Variants in GLRB observed in about 807,000 individuals in gnomAD.
GLRB encodes the protein glycine receptor beta.
Under a neutral mutation model 54.2 loss-of-function variants are expected in GLRB, and 33 were observed. That is an observed-to-expected ratio of 0.61 (90% confidence interval 0.46 to 0.81). The LOEUF is 0.81. Ranked by LOEUF, GLRB falls within the 40% of genes least tolerant of loss-of-function variation. The pLI is 0.00. For missense variants in GLRB, 572 were observed against 584.6 expected, an observed-to-expected ratio of 0.98 and a Z score of 0.22; for synonymous variants, 209 against 208.2, an observed-to-expected ratio of 1.00 and a Z score of -0.03.
At chr4:157,139,495 AG>A (rs1736533515) in intron 7 of GLRB, among the ~76,000 whole-genome samples, 1 of 152,084 alleles carries the variant, frequency 6.6e-6, no homozygotes, top group Admixed American at 6.6e-5. Flanking sequence ...AATTATGAAA[AG>A]GAAAACAAAT....
At chr4:157,079,716 A>G (rs1734158677) in intron 2 of GLRB, among the ~76,000 whole-genome samples, 1 of 152,092 alleles carries the variant, frequency 6.6e-6, no homozygotes, top group South Asian at 2.1e-4. Flanking sequence ...TCAACTCTTC[A>G]CTGTTACTGT....
intron 2 of GLRB, among the ~76,000 whole-genome samples, chr4:157,105,087 CT>C (rs1278325548): frequency 1.3e-5 from 2 of 149,550 alleles, no homozygotes; most frequent in African/African-American, 4.9e-5. Context: ...TAACTTTGGG[CT>C]TTTTTTTTCT....
chr4:157,106,364 T>G (rs1261581240), intron 2 of GLRB, among the ~76,000 whole-genome samples: 1 of 152,138 alleles, frequency 6.6e-6, no homozygotes. Flanking sequence ...CATTAGAATG[T>G]GCATGTTGAT....
At chr4:157,138,589 A>G (rs1461161197) in intron 6 of GLRB, among the ~76,000 whole-genome samples, 2 of 152,110 alleles carry the variant, frequency 1.3e-5, no homozygotes, top group African/African-American at 4.8e-5. Flanking sequence ...TATGCTTATT[A>G]TTTAAACTTG....
At chr4:157,109,593 G>A (rs1405699773) in intron 2 of GLRB, among the ~76,000 whole-genome samples, 1 of 151,818 alleles carries the variant, frequency 6.6e-6, no homozygotes, top group Non-Finnish European at 1.5e-5. Context: ...CTGTTTTCCT[G>A]GTGATAGTGT....
chr4:157,092,940 C>T (rs956450243), intron 2 of GLRB, among the ~76,000 whole-genome samples: 3 of 152,092 alleles, frequency 2.0e-5, no homozygotes, highest in South Asian at 2.1e-4. Flanking sequence ...AATGGCCTAC[C>T]GCTAGCTAGT....
chr4:157,134,710 C>T (rs1361032433), intron 4 of GLRB, among the ~76,000 whole-genome samples: 2 of 152,064 alleles, frequency 1.3e-5, no homozygotes, highest in African/African-American at 4.8e-5. Flanking sequence ...AGCAATATCT[C>T]AACTGTTATT....
chr4:157,077,129 A>C (rs1321118503), intron 1 of GLRB, among the ~76,000 whole-genome samples: 4 of 152,198 alleles, frequency 2.6e-5, no homozygotes, highest in Admixed American at 1.3e-4. Flanking sequence ...TGAAGGTTGC[A>C]GAAGAGTTTG....
rs562581362 is a variant in GLRB at position 157,143,750 on chromosome 4, G to T, written c.752-57G>T. 5.8e-6 allele frequency: 9 copies of T among 1,539,626 alleles called. No homozygotes were observed. The South Asian group carries it at 1.0e-4, about 18-fold the overall frequency. ...TACCGTTTCCAGGTCTGTCATTGATGTTTGCCATTCTGTGTGGGTGAAAAC... is the reference window on the plus strand; with the variant it reads ...TACCGTTTCCAGGTCTGTCATTGATTTTTGCCATTCTGTGTGGGTGAAAAC... On this transcript the variant is annotated intron_variant, in intron 7 of 9. Transcript: ENST00000264428.
Position 157,090,912 on chromosome 4 carries a change from T to C in GLRB, c.122+12766T>C, listed in dbSNP as rs78500483. Among the ~76,000 whole-genome samples, 1,196 of 152,334 alleles carry C rather than the reference T, an allele frequency of 7.9e-3. 23 individuals carry two copies. In the East Asian group the frequency reaches 0.1, roughly 13 times the overall value. On this transcript the variant is annotated intron_variant, in intron 2 of 9. Transcript: ENST00000264428. ...ATTCCAATTTTTGTTTGGAAGTTCA[T>C]ATTTTATCACTGGCAACAAATAGAG...
At chr4:157,095,800 G>A (rs1215672002) in intron 2 of GLRB, among the ~76,000 whole-genome samples, 1 of 152,152 alleles carries the variant, frequency 6.6e-6, no homozygotes, top group African/African-American at 2.4e-5. Flanking sequence ...AAATAGATCA[G>A]ATCAGAGAGG....
intron 2 of GLRB, among the ~76,000 whole-genome samples, chr4:157,102,701 A>G (rs1229869126): frequency 6.6e-6 from 1 of 152,188 alleles, no homozygotes; most frequent in Non-Finnish European, 1.5e-5. Flanking sequence ...CGAGACAGGA[A>G]TTTATGCTGA....
In GLRB at chr4:157,078,376, T is replaced by C. The variant is rs10857299; in HGVS notation, c.122+230T>C. 46,589 of 231,340 alleles carry C rather than the reference T, an allele frequency of 0.2. 4,992 individuals carry two copies. The highest frequency in any genetic ancestry group is 0.38 in the South Asian group (2,427 of 6,312). The allele number at this position is 231,340 out of a possible 1,614,324, so 14.3% of individuals were successfully genotyped here. A position where few individuals can be genotyped will look rare whatever the true frequency, so the allele number is the denominator to read the frequency against. On this transcript the variant is annotated intron_variant, in intron 2 of 9. Coordinates refer to ENST00000264428, the MANE Select transcript of GLRB (RefSeq NM_000824.5). The stretch of plus-strand genomic sequence containing the variant: ...TTCTTTTTTTAAATCATGCCATGGG[T>C]TTATATAATTTTTATACACTGTTTA...
intron 9 of GLRB, 92 bp from the exon 10 acceptor site, chr4:157,170,340 T>C (rs1311918112): frequency 2.1e-5 from 16 of 752,644 alleles, no homozygotes; most frequent in Non-Finnish European, 3.6e-5. Context: ...ATGCTTCTTG[T>C]AGAAACTAGC....
At chr4:157,160,646 G>A (rs1290867669) in intron 9 of GLRB, among the ~76,000 whole-genome samples, 2 of 152,034 alleles carry the variant, frequency 1.3e-5, no homozygotes, top group Admixed American at 6.5e-5. Context: ...GCGGTTTTGA[G>A]TGAGTTTCTT....
chr4:157,159,772 C>T lies in GLRB; in HGVS notation c.1197+6762C>T, dbSNP rs145201640. On this transcript the variant is annotated intron_variant, in intron 9 of 9. Transcript: ENST00000264428. Reference sequence around the variant, plus strand: ...GAGGATTTTGGCATTGATGTTCATCCGGGATATTCATCTAAAATTCTCTTT... The same window carrying T: ...GAGGATTTTGGCATTGATGTTCATCTGGGATATTCATCTAAAATTCTCTTT... Among the ~76,000 whole-genome samples, 295 of 152,124 alleles carry T rather than the reference C, an allele frequency of 1.9e-3. 1 individual carries two copies. The highest frequency in any genetic ancestry group is 6.5e-3 in the African/African-American group (270 of 41,532).
intron 4 of GLRB, among the ~76,000 whole-genome samples, chr4:157,131,015 A>G (rs552357492): frequency 4.0e-5 from 6 of 150,044 alleles, no homozygotes; most frequent in Non-Finnish European, 7.4e-5. Context: ...ACAGAGACGT[A>G]TAGGCATAGT....
chr4:157,088,171 G>A lies in GLRB; in HGVS notation c.122+10025G>A, dbSNP rs115731507. 2.9e-3 allele frequency among the ~76,000 whole-genome samples: 446 copies of A among 152,262 alleles called. 1 individual carries two copies. Among genetic ancestry groups the A allele is most frequent in the Non-Finnish European group, 4.6e-3 (312 of 67,988 alleles). On this transcript the variant is annotated intron_variant, in intron 2 of 9. Transcript: ENST00000264428. ...TTCGTATAAGAAAACAATAGTAGGA[G>A]TTTACTGCTCCTGGGCTGATTGCTG...
At chr4:157,094,100 A>G (rs975375864) in intron 2 of GLRB, among the ~76,000 whole-genome samples, 9 of 152,340 alleles carry the variant, frequency 5.9e-5, no homozygotes, top group Admixed American at 6.5e-5. Flanking sequence ...TGAAGTATGT[A>G]TAATATGCAT....
Sources: gnomAD v4.1 joint callset for allele counts (sites outside exome capture counted in the v4.1 genomes callset) on GRCh38, gnomAD v4.1.1 for gene constraint, MANE v1.5 for transcripts, NCBI Gene and HGNC (gene_info 2026-07-23, HGNC 2026-07-21) for gene names.